Variants in DNER observed in about 807,000 individuals in gnomAD.
DNER encodes the protein delta and Notch-like epidermal growth factor-related receptor.
Under a neutral mutation model 78.2 loss-of-function variants are expected in DNER, and 33 were observed. The observed-to-expected ratio is 0.42, with a 90% CI of 0.32 to 0.56. DNER has a LOEUF of 0.56. DNER is among the 20% of genes least tolerant of loss of function. DNER has a pLI of 0.11. For synonymous variants in DNER, 417 were observed against 384.8 expected (o/e 1.08, Z -0.98); for missense variants, 918 against 975.3 (o/e 0.94, Z 0.78).
At chr2:229,579,578 T>C (rs1697356167) in intron 4 of DNER, among the ~76,000 whole-genome samples, 1 of 152,056 alleles carries the variant, frequency 6.6e-6, no homozygotes, top group Admixed American at 6.5e-5. Context: ...TCAGATATCT[T>C]TGAGAATCCA....
At chr2:229,381,071 G>C (rs111970960) in intron 11 of DNER, among the ~76,000 whole-genome samples, 4,470 of 152,308 alleles carry the variant, frequency 0.029, 97 homozygotes, top group African/African-American at 0.06. Context: ...AACTGAGGTA[G>C]CTGGCTCATC....
At chr2:229,577,027 T>C (rs1198701252) in intron 4 of DNER, among the ~76,000 whole-genome samples, 1 of 152,040 alleles carries the variant, frequency 6.6e-6, no homozygotes, top group African/African-American at 2.4e-5. Context: ...ATGAAGCAGC[T>C]GGTCAGGGTA....
intron 1 of DNER, among the ~76,000 whole-genome samples, chr2:229,635,361 GAAAAAAAAAA>G (rs58220819): frequency 7.0e-5 from 6 of 85,876 alleles, no homozygotes; most frequent in East Asian, 3.8e-4. Context: ...GGTCCCACAG[GAAAAAAAAAA>G]AAAAAAAAAA....
In DNER at chr2:229,591,638, G is replaced by A. The variant is rs1255017823; in HGVS notation, c.527C>T (p.Pro176Leu). Residue 176 changes from proline to leucine, a missense_variant, in exon 2 of 13, where the codon CCT becomes CTT. Coordinates refer to ENST00000341772, the MANE Select transcript of DNER (RefSeq NM_139072.4). The surrounding 1 kb of genome is among the most constrained non-coding windows in gnomAD (Gnocchi z 4.6). ...CTGCCCTGTTTTCGGCTGCCAGGTA[G>A]GCAGTGTCACCGTTGCCTGAGAGCG... ...LPRSQATVTL[P>L]TWQPKTGQKV... 1.2e-6 allele frequency: 2 copies of A among 1,614,048 alleles called. No individual in the cohort carries two copies. The highest frequency in any genetic ancestry group is 1.3e-5 in the African/African-American group (1 of 74,928).
chr2:229,623,828 C>T (rs1440370913), intron 1 of DNER, among the ~76,000 whole-genome samples: 1 of 152,248 alleles, frequency 6.6e-6, no homozygotes, highest in African/African-American at 2.4e-5. Flanking sequence ...GAACCCCCAG[C>T]TCCTTCCACC....
At chr2:229,627,052 G>T (rs1442754997) in intron 1 of DNER, among the ~76,000 whole-genome samples, 1 of 152,178 alleles carries the variant, frequency 6.6e-6, no homozygotes, top group Admixed American at 6.5e-5. Context: ...TCACTGAAGT[G>T]CATGGTCCCA....
intron 1 of DNER, among the ~76,000 whole-genome samples, chr2:229,672,580 A>G (rs958371019): frequency 1.3e-5 from 2 of 151,304 alleles, no homozygotes; most frequent in African/African-American, 4.9e-5. Context: ...GGAGAGAAGA[A>G]AGGAGAGAGA....
At chr2:229,460,667 T>C (rs1269680719) in intron 7 of DNER, among the ~76,000 whole-genome samples, 2 of 152,148 alleles carry the variant, frequency 1.3e-5, no homozygotes, top group Admixed American at 6.5e-5. Flanking sequence ...ATATTCAAGA[T>C]GCAGGCATAG....
At chr2:229,578,547 C>A (rs1314462201) in intron 4 of DNER, among the ~76,000 whole-genome samples, 1 of 152,144 alleles carries the variant, frequency 6.6e-6, no homozygotes, top group East Asian at 1.9e-4. Context: ...TCAGGAAGCC[C>A]TCCAGCCAAG....
At chr2:229,620,426 C>T (rs1288007579) in intron 1 of DNER, among the ~76,000 whole-genome samples, 3 of 152,182 alleles carry the variant, frequency 2.0e-5, no homozygotes, top group Non-Finnish European at 4.4e-5. Context: ...ACTCTCCTTA[C>T]CCCCAACAAA....
intron 6 of DNER, among the ~76,000 whole-genome samples, chr2:229,495,491 A>G (rs1016214329): frequency 2.6e-5 from 4 of 152,292 alleles, no homozygotes; most frequent in Middle Eastern, 3.4e-3. Flanking sequence ...TCGAGACCCA[A>G]GAAGGGCCAA....
At chr2:229,552,689 G>A (rs1336610950) in intron 4 of DNER, among the ~76,000 whole-genome samples, 1 of 152,190 alleles carries the variant, frequency 6.6e-6, no homozygotes, top group Non-Finnish European at 1.5e-5. Context: ...GCGGAACTGT[G>A]AGTCAGTTAA....
chr2:229,635,421 A>T (rs1698513778), intron 1 of DNER, among the ~76,000 whole-genome samples: 1 of 151,318 alleles, frequency 6.6e-6, no homozygotes, highest in African/African-American at 2.4e-5. Context: ...CCAAGGGTAC[A>T]AAGAGGAAGA....
At chr2:229,380,197 G>A (rs966249426) in intron 11 of DNER, among the ~76,000 whole-genome samples, 6 of 111,622 alleles carry the variant, frequency 5.4e-5, no homozygotes, top group African/African-American at 1.3e-4. Flanking sequence ...TCCTAATACC[G>A]GCCACCCTCT....
intron 4 of DNER, among the ~76,000 whole-genome samples, chr2:229,577,191 T>C (rs1374842581): frequency 2.0e-5 from 3 of 152,014 alleles, no homozygotes; most frequent in Non-Finnish European, 2.9e-5. Context: ...CCCAGGAAAA[T>C]TGATTTGAAT....
chr2:229,663,859 A>G (rs1699047360), intron 1 of DNER, among the ~76,000 whole-genome samples: 1 of 152,028 alleles, frequency 6.6e-6, no homozygotes, highest in South Asian at 2.1e-4. Flanking sequence ...CTGGAGTCTC[A>G]CTCTGTCCCC....
chr2:229,500,005 G>A (rs1695584377), intron 6 of DNER, among the ~76,000 whole-genome samples: 2 of 150,616 alleles, frequency 1.3e-5, no homozygotes, highest in South Asian at 4.2e-4. Context: ...CACAATCTCG[G>A]TCACTGCAAC....
intron 8 of DNER, among the ~76,000 whole-genome samples, chr2:229,430,369 T>C (rs951431041): frequency 1.3e-5 from 2 of 152,214 alleles, no homozygotes; most frequent in Non-Finnish European, 2.9e-5. Context: ...TGATTCTAGC[T>C]GTGTCTGTGA....
At chr2:229,621,250 AT>A (rs1698246566) in intron 1 of DNER, among the ~76,000 whole-genome samples, 2 of 152,208 alleles carry the variant, frequency 1.3e-5, no homozygotes, top group Non-Finnish European at 2.9e-5. Flanking sequence ...ACAGTTTCTC[AT>A]TGCCCTATTT....
Sources: allele counts gnomAD v4.1 joint callset (sites outside exome capture counted in the v4.1 genomes callset), GRCh38; gene constraint gnomAD v4.1.1; non-coding constraint Gnocchi (gnomAD v3.1); transcripts MANE v1.5; gene names NCBI Gene and HGNC (gene_info 2026-07-23, HGNC 2026-07-21).